Variants in STK33 observed in about 807,000 individuals in gnomAD.
STK33 encodes serine/threonine-protein kinase 33.
STK33 carries 52 observed loss-of-function variants against 58.0 expected under a neutral mutation model. The ratio of observed to expected loss-of-function variants is 0.90; its 90% confidence interval spans 0.72 to 1.13. STK33 has a LOEUF of 1.13. Ranked by LOEUF, STK33 falls within the 50% of genes most tolerant of loss-of-function variation. The pLI is 0.00. For missense variants in STK33, 630 were observed against 604.2 expected, an observed-to-expected ratio of 1.04 and a Z score of -0.45; for synonymous variants, 215 against 200.1, an observed-to-expected ratio of 1.07 and a Z score of -0.63.
At chr11:8,509,308 C>T (rs1952123324) in intron 1 of STK33, among the ~76,000 whole-genome samples, 1 of 152,024 alleles carries the variant, frequency 6.6e-6, no homozygotes, top group African/African-American at 2.4e-5. Flanking sequence ...AGTCGACTCC[C>T]ATTCTATAAC....
At chr11:8,534,564 C>CTGTGTGTGTG (rs1308409632) in intron 1 of STK33, among the ~76,000 whole-genome samples, 189 of 118,460 alleles carry the variant, frequency 1.6e-3, no homozygotes, top group African/African-American at 6.3e-3. Context: ...CTCTCTCTCT[C>CTGTGTGTGTG]TCTCTGTGTG....
At chr11:8,387,380 C>T (rs1000871965), downstream of STK33, among the ~76,000 whole-genome samples, 3 of 152,170 alleles carry the variant, frequency 2.0e-5, no homozygotes, top group African/African-American at 7.2e-5. Context: ...TTCCAGTTTA[C>T]GTTCTGCTAC....
rs558674671 is a variant in STK33 at position 8,392,223 on chromosome 11, T to C, written c.*287A>G. ...GAGCAAGTGTGCCCACAGCCTTAAA[T>C]TGAAGGTATCTGCCCCCCTAAAAAA... On this transcript the variant is annotated 3_prime_UTR_variant, in exon 16 of 16. Coordinates refer to ENST00000687296, the MANE Select transcript of STK33 (RefSeq NM_001352389.2). 14 of 417,364 alleles carry C rather than the reference T, an allele frequency of 3.4e-5. No individual in the cohort carries two copies. The highest frequency in any genetic ancestry group is 1.2e-4 in the East Asian group (3 of 24,232). 25.9% of individuals were successfully genotyped at this position (417,364 alleles called of 1,614,324 possible).
the STK33 span, among the ~76,000 whole-genome samples, chr11:8,351,097 C>T: frequency 4.7e-4 from 72 of 152,230 alleles, no homozygotes; most frequent in African/African-American, 1.7e-3. Flanking sequence ...AACTAACTAC[C>T]CCTTAAATGA....
chr11:8,535,598 G>A (rs1442277892), intron 1 of STK33, among the ~76,000 whole-genome samples: 1 of 152,146 alleles, frequency 6.6e-6, no homozygotes, highest in Non-Finnish European at 1.5e-5. Flanking sequence ...TGTTGGCAAG[G>A]ATGTAGAGAA....
In STK33 at chr11:8,435,502, A is replaced by G; in HGVS notation, c.1138T>C (p.Trp380Arg). 6.9e-7 allele frequency: 1 copy of G among 1,455,466 alleles called. No individual in the cohort carries two copies. The highest frequency in any genetic ancestry group is 9.2e-7 in the Non-Finnish European group (1 of 1,088,798). The allele number at this position is 1,455,466 out of a possible 1,614,324, so 90.2% of individuals were successfully genotyped here. A position where few individuals can be genotyped will look rare whatever the true frequency, so the allele number is the denominator to read the frequency against. The change falls in exon 14 of 16, where the codon TGG (tryptophan) becomes CGG (arginine). Residue 380 changes from tryptophan to arginine, a missense_variant. Physicochemically the swap from Trp to Arg is moderately radical, Grantham distance 101. Transcript: ENST00000687296. ...ITAKELLDNQ[W>R]LTGNKLSSVR... ...GTAATATTGTAACTTACTGTTAACC[A>G]CTGGTTATCTAGTAGTTCCTTAGCT... is the stretch of plus-strand genomic sequence containing the variant.
At chr11:8,571,630 G>A (rs1267620175) in intron 1 of STK33, among the ~76,000 whole-genome samples, 5 of 152,002 alleles carry the variant, frequency 3.3e-5, no homozygotes, top group Admixed American at 6.6e-5. Context: ...TCAGGAGATC[G>A]AGACCATCCT....
At chr11:8,464,455 A>G (rs546619451) in intron 7 of STK33, among the ~76,000 whole-genome samples, 1 of 152,216 alleles carries the variant, frequency 6.6e-6, no homozygotes, top group South Asian at 2.1e-4. Context: ...ACTCTGGTAA[A>G]ATTTACCTAT....
intron 10 of STK33, among the ~76,000 whole-genome samples, chr11:8,454,227 C>A (rs117457471): frequency 4.9e-4 from 74 of 152,226 alleles, no homozygotes; most frequent in Admixed American, 1.4e-3. Context: ...TATAATGGTG[C>A]TAAATAATGT....
Position 8,452,805 on chromosome 11 carries a change from T to G in STK33, c.871+17A>C. On this transcript the variant is annotated intron_variant, in intron 11 of 15. Coordinates refer to ENST00000687296, the MANE Select transcript of STK33 (RefSeq NM_001352389.2). Reference sequence around the variant, plus strand: ...CCTGTCTCAAAACAAAAATTAATTTTAAGTCTACTAACTTACCCATATAGA... The same window carrying G: ...CCTGTCTCAAAACAAAAATTAATTTGAAGTCTACTAACTTACCCATATAGA... The G allele has an allele frequency of 6.2e-7, 1 of 1,609,246 alleles. No individual in the cohort carries two copies. The highest frequency in any genetic ancestry group is 8.5e-7 in the Non-Finnish European group (1 of 1,175,772).
chr11:8,407,678 G>GA (rs932054116), intron 15 of STK33, among the ~76,000 whole-genome samples: 33 of 148,540 alleles, frequency 2.2e-4, no homozygotes, highest in South Asian at 1.1e-3. Flanking sequence ...GTAAAGAATA[G>GA]AAAAAAAAAG....
At chr11:8,431,300 T>C (rs1194788719) in intron 14 of STK33, among the ~76,000 whole-genome samples, 1 of 152,128 alleles carries the variant, frequency 6.6e-6, no homozygotes, top group Non-Finnish European at 1.5e-5. Context: ...GATGAAAATA[T>C]ACAGAAGGAG....
At chr11:8,520,328 T>C (rs914849243) in intron 1 of STK33, among the ~76,000 whole-genome samples, 1 of 152,184 alleles carries the variant, frequency 6.6e-6, no homozygotes, top group South Asian at 2.1e-4. Context: ...AAACTAGGTA[T>C]TGATGGGACA....
At chr11:8,470,601 G>A (rs575856443) in intron 6 of STK33, among the ~76,000 whole-genome samples, 84 of 152,252 alleles carry the variant, frequency 5.5e-4, no homozygotes, top group Non-Finnish European at 6.9e-4. Flanking sequence ...TTCAACATGC[G>A]CTCCTCATTA....
At chr11:8,534,579 T>C (rs1476532647) in intron 1 of STK33, among the ~76,000 whole-genome samples, 1 of 124,374 alleles carries the variant, frequency 8.0e-6, no homozygotes, top group Non-Finnish European at 1.9e-5. Context: ...TGTGTGTGTG[T>C]GTGTGTGTGT....
At chr11:8,354,568 C>A in the STK33 span, among the ~76,000 whole-genome samples, 1 of 151,326 alleles carries the variant, frequency 6.6e-6, no homozygotes, top group Non-Finnish European at 1.5e-5. Context: ...AAGCACAGGT[C>A]TAGGAAGCAA....
chr11:8,474,498 T>G, intron 5 of STK33, 183 bp downstream of exon 5: 1 of 456,138 alleles, frequency 2.2e-6, no homozygotes. Flanking sequence ...GGCAGTGGTT[T>G]GAAACATCAT....
intron 15 of STK33, among the ~76,000 whole-genome samples, chr11:8,412,052 G>T (rs1940342025): frequency 6.6e-6 from 1 of 152,152 alleles, no homozygotes; most frequent in Admixed American, 6.6e-5. Flanking sequence ...TATGTTAGAT[G>T]CAGTGACAAA....
the STK33 span, among the ~76,000 whole-genome samples, chr11:8,345,224 TC>T: frequency 6.6e-6 from 1 of 152,212 alleles, no homozygotes; most frequent in Admixed American, 6.5e-5. Context: ...GAGTTCACAG[TC>T]CAACTATTGA....
Sources: allele counts gnomAD v4.1 joint callset (sites outside exome capture counted in the v4.1 genomes callset), GRCh38; gene constraint gnomAD v4.1.1; transcripts MANE v1.5; gene names NCBI Gene and HGNC (gene_info 2026-07-23, HGNC 2026-07-21).